The following COL19A1 variants were observed in gnomAD, a reference collection of about 807,000 sequenced individuals.
COL19A1 encodes collagen alpha-1(XIX) chain.
Under a neutral mutation model 190.2 loss-of-function variants are expected in COL19A1, and 159 were observed. The observed-to-expected ratio is 0.84, with a 90% CI of 0.73 to 0.95. The LOEUF (loss-of-function observed/expected upper bound fraction) is 0.95. COL19A1 is among the 40% of genes least tolerant of loss of function. The pLI is 0.00. For synonymous variants in COL19A1, 509 were observed against 458.9 expected (o/e 1.11, Z -1.39); for missense variants, 1,418 against 1,431.9 (o/e 0.99, Z 0.16).
chr6:70,180,468 G>T lies in COL19A1; in HGVS notation c.2720G>T (p.Arg907Ile). 6.2e-7 allele frequency: 1 copy of T among 1,614,110 alleles called. No homozygotes were observed. The highest frequency in any genetic ancestry group is 8.5e-7 in the Non-Finnish European group (1 of 1,179,998). Residue 907 changes from arginine (R) to isoleucine (I), a missense_variant, in exon 44 of 51, where the codon AGA becomes ATA. Transcript: ENST00000620364. Reference sequence around the variant, plus strand: ...CTGTGGATGTGTTTATAGGGTGAGAGAGGACCTGTTGGAGATATAGGTTTC... The same window carrying T: ...CTGTGGATGTGTTTATAGGGTGAGATAGGACCTGTTGGAGATATAGGTTTC... Reference protein sequence around the residue: ...PPGVPGEPGERGPVGDIGFPG... With the variant: ...PPGVPGEPGEIGPVGDIGFPG...
intron 14 of COL19A1, among the ~76,000 whole-genome samples, chr6:70,044,768 T>A (rs1431447613): frequency 6.6e-6 from 1 of 152,204 alleles, no homozygotes; most frequent in Non-Finnish European, 1.5e-5. Context: ...GTTCATTTTT[T>A]TCCCATCTAA....
intron 15 of COL19A1, among the ~76,000 whole-genome samples, chr6:70,088,417 T>C (rs1320446804): frequency 6.6e-6 from 1 of 152,134 alleles, no homozygotes. Context: ...TTCTATCCTG[T>C]TTTTTAAGTC....
intron 30 of COL19A1, 43 bp downstream of exon 30, chr6:70,150,088 C>T: frequency 6.2e-7 from 1 of 1,601,006 alleles, no homozygotes; most frequent in Non-Finnish European, 8.6e-7. Flanking sequence ...CTTAAATGCA[C>T]CCAGAAGCCA....
At chr6:69,910,218 G>A (rs1005645644) in intron 4 of COL19A1, among the ~76,000 whole-genome samples, 1 of 152,134 alleles carries the variant, frequency 6.6e-6, no homozygotes, top group Non-Finnish European at 1.5e-5. Flanking sequence ...TGACTACCCA[G>A]TTTCCAACAA....
At chr6:70,053,373 G>T (rs550933423) in intron 14 of COL19A1, among the ~76,000 whole-genome samples, 3 of 152,040 alleles carry the variant, frequency 2.0e-5, no homozygotes, top group Non-Finnish European at 4.4e-5. Context: ...TGAAAATTAG[G>T]GTTTTTTTCT....
chr6:70,059,154 T>A (rs562935188), intron 14 of COL19A1, among the ~76,000 whole-genome samples: 36 of 152,270 alleles, frequency 2.4e-4, no homozygotes, highest in African/African-American at 8.7e-4. Context: ...ATGTTTCAAG[T>A]CTATGAAGCA....
chr6:70,180,485 A>T lies in COL19A1; in HGVS notation c.2737A>T (p.Ile913Leu). Residue 913 changes from isoleucine to leucine, a missense_variant, in exon 44 of 51, where the codon ATA (isoleucine) becomes TTA (leucine). Ile to Leu is a conservative substitution (Grantham distance 5). Transcript: ENST00000620364. ...EPGERGPVGD[I>L]GFPGPEGPSG... Reference sequence around the variant, plus strand: ...GGGTGAGAGAGGACCTGTTGGAGATATAGGTTTCCCTGGACCAGAAGGACC... The same window carrying T: ...GGGTGAGAGAGGACCTGTTGGAGATTTAGGTTTCCCTGGACCAGAAGGACC... 6.2e-7 allele frequency: 1 copy of T among 1,614,174 alleles called. No homozygotes were observed. The highest frequency in any genetic ancestry group is 8.5e-7 in the Non-Finnish European group (1 of 1,180,016).
chr6:69,960,318 C>T (rs1323720499), intron 10 of COL19A1, among the ~76,000 whole-genome samples: 7 of 152,140 alleles, frequency 4.6e-5, no homozygotes, highest in African/African-American at 1.7e-4. Context: ...GCTCTGGAAA[C>T]GTTTCTGCTT....
At chr6:69,933,231 G>A (rs762107255) in intron 7 of COL19A1, among the ~76,000 whole-genome samples, 9 of 151,844 alleles carry the variant, frequency 5.9e-5, no homozygotes, top group African/African-American at 1.2e-4. Context: ...ACCCATCCTG[G>A]CTAGCTTTCC....
intron 18 of COL19A1, among the ~76,000 whole-genome samples, chr6:70,130,859 C>T (rs929196700): frequency 2.0e-5 from 3 of 152,126 alleles, no homozygotes; most frequent in Non-Finnish European, 4.4e-5. Flanking sequence ...TCTGAAGACC[C>T]CTTTGGCAAA....
intron 12 of COL19A1, among the ~76,000 whole-genome samples, chr6:70,027,557 C>CTGTGTGTGTGTG (rs10585617): frequency 2.0e-5 from 3 of 150,248 alleles, no homozygotes; most frequent in African/African-American, 7.3e-5. Flanking sequence ...TGTATCTTAA[C>CTGTGTGTGTGTG]TGTGTGTGTG....
chr6:70,034,442 A>G (rs755290815), intron 13 of COL19A1, 144 bp downstream of exon 13: 2 of 629,610 alleles, frequency 3.2e-6, no homozygotes, highest in Non-Finnish European at 5.8e-6. Context: ...TCTGAATAAG[A>G]ACAGCCTTTT....
chr6:70,125,890 A>G (rs1305112928), intron 17 of COL19A1, among the ~76,000 whole-genome samples: 5 of 152,204 alleles, frequency 3.3e-5, no homozygotes, highest in African/African-American at 1.2e-4. Context: ...GGGTTTTAAT[A>G]AAAATTTGAT....
At chr6:70,038,911 G>C (rs1033270885) in intron 14 of COL19A1, among the ~76,000 whole-genome samples, 4 of 152,084 alleles carry the variant, frequency 2.6e-5, no homozygotes, top group African/African-American at 9.7e-5. Flanking sequence ...CTAAAAATTA[G>C]CTGGGCATGG....
At chr6:70,045,198 A>G (rs558933958) in intron 14 of COL19A1, among the ~76,000 whole-genome samples, 116 of 151,038 alleles carry the variant, frequency 7.7e-4, no homozygotes, top group African/African-American at 2.8e-3. Flanking sequence ...CTGTAACCCT[A>G]GCTACTTGGG....
intron 12 of COL19A1, among the ~76,000 whole-genome samples, chr6:70,028,688 G>A (rs563957407): frequency 1.1e-4 from 17 of 152,226 alleles, no homozygotes; most frequent in African/African-American, 4.1e-4. Context: ...CAGCTTCTAA[G>A]GCTTTTCAAT....
intron 4 of COL19A1, among the ~76,000 whole-genome samples, chr6:69,921,377 CAT>C (rs1279014388): frequency 6.0e-4 from 57 of 94,538 alleles, no homozygotes; most frequent in South Asian, 9.9e-4. Flanking sequence ...TCATATATAT[CAT>C]ATATATCATA....
intron 15 of COL19A1, among the ~76,000 whole-genome samples, chr6:70,093,694 G>A (rs1783068462): frequency 6.6e-6 from 1 of 152,156 alleles, no homozygotes; most frequent in Non-Finnish European, 1.5e-5. Context: ...AACCTAAATT[G>A]TGAATGATCG....
intron 49 of COL19A1, among the ~76,000 whole-genome samples, chr6:70,203,643 G>A (rs1348505983): frequency 6.7e-6 from 1 of 149,952 alleles, no homozygotes; most frequent in Non-Finnish European, 1.5e-5. Context: ...TTTCCGGTAT[G>A]TATACAGGCG....
Sources: gnomAD v4.1 joint callset for allele counts (sites outside exome capture counted in the v4.1 genomes callset) on GRCh38, gnomAD v4.1.1 for gene constraint, MANE v1.5 for transcripts, NCBI Gene and HGNC (gene_info 2026-07-23, HGNC 2026-07-21) for gene names.